The following WNT2B variants were observed in gnomAD, a reference collection of about 807,000 sequenced individuals.
WNT2B encodes protein Wnt-2b.
In WNT2B, 19 loss-of-function variants were observed where a neutral mutation model predicts 40.5. The observed-to-expected ratio is 0.47, with a 90% CI of 0.33 to 0.69. The LOEUF (loss-of-function observed/expected upper bound fraction) is 0.69. WNT2B is among the 30% of genes least tolerant of loss of function. WNT2B has a pLI of 0.02. For synonymous variants in WNT2B, 220 were observed against 211.9 expected, an observed-to-expected ratio of 1.04 and a Z score of -0.33; for missense variants, 467 against 556.4, an observed-to-expected ratio of 0.84 and a Z score of 1.62.
intron 1 of WNT2B, among the ~76,000 whole-genome samples, chr1:112,486,156 C>CACACACACACACACAT (rs1269058569): frequency 6.6e-6 from 1 of 151,722 alleles, no homozygotes; most frequent in African/African-American, 2.4e-5. Context: ...CACACACACA[C>CACACACACACACACAT]ACCAGGCTGG....
At chr1:112,508,821 G>A (rs1652223500), upstream of WNT2B, 3 of 991,990 alleles carry the variant, frequency 3.0e-6, no homozygotes, top group Non-Finnish European at 3.6e-6. The surrounding 1 kb of genome is among the most constrained non-coding windows in gnomAD (Gnocchi z 4.2). Context: ...GAGCCCCGAG[G>A]GGCGGAGGCG....
At chr1:112,512,559 T>C (rs1652393984) in intron 1 of WNT2B, among the ~76,000 whole-genome samples, 1 of 152,042 alleles carries the variant, frequency 6.6e-6, no homozygotes, top group Non-Finnish European at 1.5e-5. Context: ...CAAAAGCAGG[T>C]GAAGAGAAGC....
upstream of WNT2B, among the ~76,000 whole-genome samples, chr1:112,504,518 C>T (rs765661381): frequency 5.9e-5 from 9 of 152,042 alleles, no homozygotes; most frequent in Admixed American, 3.9e-4. Context: ...AAGGAGAGGC[C>T]GGCCAGGCTG....
chr1:112,488,021 C>G (rs1464053782), intron 1 of WNT2B, among the ~76,000 whole-genome samples: 1 of 149,568 alleles, frequency 6.7e-6, no homozygotes, highest in East Asian at 2.0e-4. Context: ...TGGCCAGGCA[C>G]AGTAGTTCAC....
chr1:112,472,972 G>A (rs1650927884), intron 1 of WNT2B, among the ~76,000 whole-genome samples: 2 of 123,772 alleles, frequency 1.6e-5, no homozygotes, highest in Non-Finnish European at 3.3e-5. Flanking sequence ...AAAAAGGAGA[G>A]AAAGAGAAAG....
chr1:112,508,399 A>G (rs1652196417), upstream of WNT2B, among the ~76,000 whole-genome samples: 1 of 151,382 alleles, frequency 6.6e-6, no homozygotes, highest in South Asian at 2.1e-4. This position sits in a 1 kb window ranked among gnomAD's most constrained non-coding sequence, Gnocchi z 4.2. Flanking sequence ...TGGGGGGTGC[A>G]GTGGCTCAGA....
intron 1 of WNT2B, among the ~76,000 whole-genome samples, chr1:112,491,482 A>C (rs1651603251): frequency 6.6e-6 from 1 of 152,206 alleles, no homozygotes; most frequent in African/African-American, 2.4e-5. Context: ...TGTTCAGGAA[A>C]GACTACATGG....
intron 1 of WNT2B, among the ~76,000 whole-genome samples, chr1:112,469,387 A>T (rs1210838413): frequency 6.6e-6 from 1 of 152,014 alleles, no homozygotes; most frequent in East Asian, 1.9e-4. Flanking sequence ...TGGTATTTTG[A>T]TGGGGATTGC....
At chr1:112,506,299 C>T (rs1652105427), upstream of WNT2B, among the ~76,000 whole-genome samples, 1 of 152,166 alleles carries the variant, frequency 6.6e-6, no homozygotes, top group South Asian at 2.1e-4. Context: ...AAGCCTGGGC[C>T]TCAAAAACAT....
intron 1 of WNT2B, among the ~76,000 whole-genome samples, chr1:112,512,548 C>T (rs1652393318): frequency 6.6e-6 from 1 of 152,068 alleles, no homozygotes; most frequent in Non-Finnish European, 1.5e-5. Flanking sequence ...TGTGAATTGG[C>T]CAAAAGCAGG....
intron 1 of WNT2B, among the ~76,000 whole-genome samples, chr1:112,480,648 G>A (rs370751082): frequency 9.2e-5 from 14 of 152,102 alleles, no homozygotes; most frequent in African/African-American, 2.9e-4. Flanking sequence ...ATTCTACCAA[G>A]CATTTTAAAA....
chr1:112,467,698 C>T (rs1045581706), intron 1 of WNT2B: 29 of 668,190 alleles, frequency 4.3e-5, no homozygotes, highest in African/African-American at 1.8e-4. Context: ...TGATCATATA[C>T]GTAGTATGTA....
intron 1 of WNT2B, chr1:112,467,696 T>A (rs536230270): frequency 1.2e-5 from 8 of 673,292 alleles, no homozygotes; most frequent in Non-Finnish European, 2.2e-5. Context: ...TATGATCATA[T>A]ACGTAGTATG....
intron 1 of WNT2B, among the ~76,000 whole-genome samples, chr1:112,500,463 T>C (rs1250487931): frequency 1.3e-5 from 2 of 152,180 alleles, no homozygotes; most frequent in African/African-American, 2.4e-5. Context: ...AATGTTTCCA[T>C]TTTGATCTGA....
chr1:112,473,295 CAG>C (rs1473041427), intron 1 of WNT2B, among the ~76,000 whole-genome samples: 1 of 151,528 alleles, frequency 6.6e-6, no homozygotes, highest in Non-Finnish European at 1.5e-5. Flanking sequence ...AACACAATGA[CAG>C]AAATAGCAGA....
rs1360081006 is a variant in WNT2B at position 112,526,145 on chromosome 1, C to T, written c.*5636C>T. On this transcript the variant is annotated 3_prime_UTR_variant, in exon 5 of 5. Coordinates refer to ENST00000369684, the MANE Select transcript of WNT2B (RefSeq NM_024494.3). ...CAGAAATTGATACAAAATGTTCAAGCCCTGTAGGAGTCCCAGGACAGCCAA... is the reference window on the plus strand; with the variant it reads ...CAGAAATTGATACAAAATGTTCAAGTCCTGTAGGAGTCCCAGGACAGCCAA... 6.2e-7 allele frequency: 1 copy of T among 1,613,534 alleles called. No individual in the cohort carries two copies. Among genetic ancestry groups the T allele is most frequent in the Admixed American group, 1.7e-5 (1 of 59,990 alleles).
At chr1:112,516,516 G>C in intron 3 of WNT2B, 99 bp downstream of exon 3, 1 of 1,462,484 alleles carries the variant, frequency 6.8e-7, no homozygotes, top group Non-Finnish European at 9.1e-7. Context: ...AGAGCTGAAG[G>C]CTTCTGGGTC....
In WNT2B at chr1:112,498,842, C is replaced by T. The variant is rs115299518; in HGVS notation, c.-94-16032C>T. On this transcript the variant is annotated intron_variant, in intron 1 of 4. Transcript: ENST00000256640. ...TGTAGTAGAATCACCCTTAATACTC[C>T]ATTCACACCAATGTAAGTTTTTCCA... 7.9e-3 allele frequency among the ~76,000 whole-genome samples: 1,197 copies of T among 152,262 alleles called. 12 individuals carry two copies. The highest frequency in any genetic ancestry group is 0.027 in the African/African-American group (1,117 of 41,546).
In WNT2B at chr1:112,529,160, G is replaced by A. The variant is rs1403770664; in HGVS notation, c.*8651G>A. 6.6e-6 allele frequency: 1 copy of A among 152,180 alleles called. No individual in the cohort carries two copies. The highest frequency in any genetic ancestry group is 1.5e-5 in the Non-Finnish European group (1 of 68,048). 9.4% of individuals were successfully genotyped at this position (152,180 alleles called of 1,614,324 possible). On this transcript the variant is annotated 3_prime_UTR_variant, in exon 5 of 5. Coordinates refer to ENST00000369684, the MANE Select transcript of WNT2B (RefSeq NM_024494.3). Reference sequence around the variant, plus strand: ...TCTGACCCAGTGTGGCACTGAGTGTGTGTGTGTTTGTGTGTTTGTGTGTGT... The same window carrying A: ...TCTGACCCAGTGTGGCACTGAGTGTATGTGTGTTTGTGTGTTTGTGTGTGT...
Sources: gnomAD v4.1 joint callset for allele counts (sites outside exome capture counted in the v4.1 genomes callset) on GRCh38, gnomAD v4.1.1 for gene constraint, Gnocchi (gnomAD v3.1) non-coding constraint, MANE v1.5 for transcripts, NCBI Gene and HGNC (gene_info 2026-07-23, HGNC 2026-07-21) for gene names.